Variants in MMRN1 observed in about 807,000 individuals in gnomAD.
MMRN1 encodes the protein multimerin 1.
In MMRN1, 94 loss-of-function variants were observed where a neutral mutation model predicts 100.7. The ratio of observed to expected loss-of-function variants is 0.93; its 90% CI spans 0.79 to 1.11. The LOEUF (loss-of-function observed/expected upper bound fraction) is 1.11, where lower values mean the gene tolerates loss of function less well. Ranked by LOEUF, MMRN1 falls within the 50% of genes least tolerant of loss-of-function variation. The pLI is 0.00. For missense variants in MMRN1, 1,606 were observed against 1,439.1 expected, an observed-to-expected ratio of 1.12 and a Z score of -1.88; for synonymous variants, 575 against 505.0, an observed-to-expected ratio of 1.14 and a Z score of -1.86.
intron 5 of MMRN1, among the ~76,000 whole-genome samples, chr4:89,928,377 C>T (rs775475460): frequency 2.6e-5 from 4 of 152,058 alleles, no homozygotes; most frequent in Non-Finnish European, 5.9e-5. Context: ...ATCTGAAGTG[C>T]ATTATTATCC....
intron 1 of MMRN1, among the ~76,000 whole-genome samples, chr4:89,898,208 T>C (rs1721270287): frequency 6.6e-6 from 1 of 152,080 alleles, no homozygotes; most frequent in Admixed American, 6.6e-5. Context: ...ATAATAATAA[T>C]AGTAGCAAAC....
At chr4:89,880,449 A>C (rs147773980) in intron 1 of MMRN1, among the ~76,000 whole-genome samples, 4 of 152,290 alleles carry the variant, frequency 2.6e-5, no homozygotes, top group Admixed American at 1.3e-4. Flanking sequence ...GAAGGAAATC[A>C]GTATTAATCT....
At chr4:89,924,846 T>A (rs1401847428) in intron 4 of MMRN1, among the ~76,000 whole-genome samples, 4 of 151,868 alleles carry the variant, frequency 2.6e-5, no homozygotes, top group African/African-American at 9.7e-5. Flanking sequence ...GTCTCAAAAA[T>A]AAAAAATTAA....
At chr4:89,951,369 A>G in intron 6 of MMRN1, 1 of 369,096 alleles carries the variant, frequency 2.7e-6, no homozygotes, top group Non-Finnish European at 4.8e-6. Flanking sequence ...ATTTCACACC[A>G]ATAAATGTAA....
At chr4:89,918,368 A>G (rs924188468) in intron 3 of MMRN1, among the ~76,000 whole-genome samples, 8 of 151,730 alleles carry the variant, frequency 5.3e-5, no homozygotes, top group Non-Finnish European at 8.9e-5. Context: ...AAAAAAGTCT[A>G]TTTTCCAAAT....
intron 6 of MMRN1, among the ~76,000 whole-genome samples, chr4:89,945,474 T>G (rs1348781203): frequency 6.6e-6 from 1 of 152,190 alleles, no homozygotes; most frequent in Non-Finnish European, 1.5e-5. Flanking sequence ...CTCCAAATTT[T>G]TGCCAGCACT....
chr4:89,907,726 C>T (rs1281067560), intron 1 of MMRN1, among the ~76,000 whole-genome samples: 1 of 151,142 alleles, frequency 6.6e-6, no homozygotes, highest in Non-Finnish European at 1.5e-5. Flanking sequence ...ACATTCAGTC[C>T]ATTTTTAATT....
At chr4:89,924,105 GAT>G (rs1722172395) in intron 4 of MMRN1, among the ~76,000 whole-genome samples, 1 of 152,138 alleles carries the variant, frequency 6.6e-6, no homozygotes, top group Non-Finnish European at 1.5e-5. Flanking sequence ...CTTTATCTTT[GAT>G]TAACGAATAC....
chr4:89,944,116 A>G (rs1722916765), intron 6 of MMRN1, among the ~76,000 whole-genome samples: 1 of 152,248 alleles, frequency 6.6e-6, no homozygotes, highest in Non-Finnish European at 1.5e-5. Context: ...AATGTGAAAG[A>G]AAAGAAACAA....
chr4:89,889,779 G>A (rs1434696890), intron 1 of MMRN1, among the ~76,000 whole-genome samples: 1 of 152,074 alleles, frequency 6.6e-6, no homozygotes, highest in African/African-American at 2.4e-5. Context: ...CACCAATGGG[G>A]TGAAGAGAGG....
intron 1 of MMRN1, among the ~76,000 whole-genome samples, chr4:89,882,158 C>T (rs1325638102): frequency 2.6e-5 from 4 of 151,828 alleles, no homozygotes; most frequent in South Asian, 2.1e-4. Context: ...AATTTTACTA[C>T]CTTAAGTGGG....
chr4:89,925,208 A>T (rs565514077), intron 4 of MMRN1, among the ~76,000 whole-genome samples: 14 of 151,102 alleles, frequency 9.3e-5, no homozygotes, highest in Admixed American at 9.2e-4. Context: ...GTGATCATGC[A>T]TCACTACAGC....
chr4:89,894,250 T>C (rs1277413011), upstream of MMRN1, among the ~76,000 whole-genome samples: 4 of 152,144 alleles, frequency 2.6e-5, no homozygotes, highest in African/African-American at 4.8e-5. Context: ...GGTATACCTG[T>C]CTAATTCAAT....
chr4:89,918,954 G>A (rs939438573), intron 3 of MMRN1, among the ~76,000 whole-genome samples: 2 of 151,424 alleles, frequency 1.3e-5, no homozygotes, highest in African/African-American at 4.8e-5. Context: ...TACGTTTTAG[G>A]AAAATTATGA....
chr4:89,886,102 G>A lies in MMRN1; in HGVS notation c.-249+6500G>A, dbSNP rs535271298. On this transcript the variant is annotated intron_variant, in intron 1 of 8. Coordinates refer to the MMRN1 transcript ENST00000394980. ...CGTGGGGTTTTGCCACATTTCCCAT[G>A]CTGGTCTCAAACTCCTGAGCTCAGA... Among the ~76,000 whole-genome samples the A allele has an allele frequency of 8.2e-3, 1,125 of 136,688 alleles. 18 individuals are homozygous for A. Among genetic ancestry groups the A allele is most frequent in the African/African-American group, 0.029 (1,038 of 36,208 alleles). 89.7% of individuals were successfully genotyped at this position (136,688 alleles called of 152,430 possible). A position where few individuals can be genotyped will look rare whatever the true frequency, so the allele number is the denominator to read the frequency against.
At chr4:89,941,540 T>A (rs1325535451) in intron 6 of MMRN1, among the ~76,000 whole-genome samples, 2 of 152,118 alleles carry the variant, frequency 1.3e-5, no homozygotes, top group African/African-American at 2.4e-5. Flanking sequence ...GCTGGTCACA[T>A]AAGCATCCTC....
At chr4:89,920,386 G>T (rs1365694212) in intron 3 of MMRN1, among the ~76,000 whole-genome samples, 1 of 152,100 alleles carries the variant, frequency 6.6e-6, no homozygotes, top group Non-Finnish European at 1.5e-5. Context: ...AGATTTGATT[G>T]CTGTGAAGGC....
rs143978483 is a variant in MMRN1 at position 89,927,892 on chromosome 4, T to C, written c.1053T>C (p.Asp351=). Reference sequence around the variant, plus strand: ...ACAATATTTCTTTGACTGTGAATGATGTAAGGAACACTTACTCCTCCCTAG... The same window carrying C: ...ACAATATTTCTTTGACTGTGAATGACGTAAGGAACACTTACTCCTCCCTAG... ...KIDNISLTVN[D]VRNTYSSLEG... is the part of the protein sequence containing the mutation. Residue 351 remains aspartate, a synonymous_variant, in exon 5 of 8, where the codon GAT becomes GAC. Coordinates refer to ENST00000264790, the MANE Select transcript of MMRN1 (RefSeq NM_007351.3). The C allele has an allele frequency of 1.5e-5, 24 of 1,611,792 alleles. No homozygotes were observed. In the African/African-American group the frequency reaches 2.7e-4, roughly 18 times the overall value.
intron 4 of MMRN1, among the ~76,000 whole-genome samples, chr4:89,926,614 G>T: frequency 6.6e-6 from 1 of 152,036 alleles, no homozygotes; most frequent in Non-Finnish European, 1.5e-5. Context: ...CTTTTGCTGT[G>T]CAGAAGCTTT....
Sources: gnomAD v4.1 joint callset for allele counts (sites outside exome capture counted in the v4.1 genomes callset) on GRCh38, gnomAD v4.1.1 for gene constraint, MANE v1.5 for transcripts, NCBI Gene and HGNC (gene_info 2026-07-23, HGNC 2026-07-21) for gene names.